CLNS1A: variants seen among roughly 807,000 people sequenced by gnomAD.
The protein encoded by CLNS1A is chloride nucleotide-sensitive channel 1A.
In CLNS1A, 16 loss-of-function variants were observed where a neutral mutation model predicts 29.4. The observed-to-expected ratio is 0.54, with a 90% CI of 0.37 to 0.83. The LOEUF (loss-of-function observed/expected upper bound fraction) is 0.83. Among genes scored for constraint, CLNS1A ranks in the 40% least tolerant of loss-of-function variants. The pLI is 0.00. For missense variants in CLNS1A, 235 were observed against 287.4 expected (o/e 0.82, Z 1.32); for synonymous variants, 96 against 104.8 (o/e 0.92, Z 0.51).
chr11:77,620,510 T>C (rs1023187510), intron 5 of CLNS1A, among the ~76,000 whole-genome samples: 3 of 152,062 alleles, frequency 2.0e-5, no homozygotes, highest in African/African-American at 4.8e-5. Flanking sequence ...ACGGAAAGAG[T>C]TGTCTTGGCC....
intron 5 of CLNS1A, among the ~76,000 whole-genome samples, chr11:77,620,408 C>T (rs1419679595): frequency 6.6e-6 from 1 of 152,192 alleles, no homozygotes; most frequent in East Asian, 1.9e-4. Context: ...CCATATGGAA[C>T]TGTAAGTCCA....
rs758198126 is a variant in CLNS1A, at chr11:77,622,550, T to C, written c.596A>G (p.Gln199Arg). Residue 199 changes from glutamine to arginine, a missense_variant, in exon 5 of 7, where the codon CAG (glutamine) becomes CGG (arginine). Coordinates refer to ENST00000525428, the MANE Select transcript of CLNS1A (RefSeq NM_001293.3). ...TGTCCTGACCCCAGCCATATTATAC[T>C]GGCTGCTCACAGACTGAGAAAGCAT... ...EGMLSQSVSS[Q>R]YNMAGVRTED... The C allele has an allele frequency of 2.5e-6, 4 of 1,612,416 alleles. No individual in the cohort carries two copies. Among genetic ancestry groups the C allele is most frequent in the Admixed American group, 1.7e-5 (1 of 59,480 alleles).
chr11:77,616,030 T>G lies in CLNS1A; in HGVS notation c.*688A>C, dbSNP rs1958903059. On this transcript the variant is annotated 3_prime_UTR_variant, in exon 7 of 7. Transcript: ENST00000525428. Reference sequence around the variant, plus strand: ...AGCTATAACTATATTTTCTTATTAATTTCATGTTCATCTTCTCAACAAGTA... The same window carrying G: ...AGCTATAACTATATTTTCTTATTAAGTTCATGTTCATCTTCTCAACAAGTA... The G allele has an allele frequency of 6.6e-6, 1 of 152,224 alleles. No homozygotes were observed. Among genetic ancestry groups the G allele is most frequent in the Non-Finnish European group, 1.5e-5 (1 of 68,038 alleles). 9.4% of individuals were successfully genotyped at this position (152,224 alleles called of 1,614,324 possible). A position where few individuals can be genotyped will look rare whatever the true frequency, so the allele number is the denominator to read the frequency against.
intron 1 of CLNS1A, among the ~76,000 whole-genome samples, chr11:77,633,187 C>T (rs752710774): frequency 1.3e-5 from 2 of 151,502 alleles, no homozygotes; most frequent in Non-Finnish European, 2.9e-5. Context: ...TCCTATTGCA[C>T]ATGAATTATT....
At chr11:77,629,454 C>T (rs1032996426) in intron 2 of CLNS1A, among the ~76,000 whole-genome samples, 2 of 151,176 alleles carry the variant, frequency 1.3e-5, no homozygotes, top group African/African-American at 2.4e-5. Context: ...AGTGCAGTGG[C>T]ATGATCTCGG....
At chr11:77,623,869 T>C (rs1958988473) in intron 4 of CLNS1A, among the ~76,000 whole-genome samples, 2 of 152,214 alleles carry the variant, frequency 1.3e-5, no homozygotes, top group Admixed American at 1.3e-4. Context: ...GACTGCATTC[T>C]GGTCTGGGGG....
intron 2 of CLNS1A, among the ~76,000 whole-genome samples, chr11:77,629,470 T>C (rs1959052822): frequency 6.6e-6 from 1 of 151,818 alleles, no homozygotes; most frequent in Non-Finnish European, 1.5e-5. Context: ...CTCGGCTCAC[T>C]ACAAGCTCCA....
intron 5 of CLNS1A, among the ~76,000 whole-genome samples, chr11:77,622,296 A>G (rs544828407): frequency 4.6e-5 from 7 of 152,274 alleles, no homozygotes; most frequent in African/African-American, 1.7e-4. Flanking sequence ...TTTGACTATG[A>G]ACAAAGACTT....
chr11:77,621,946 G>C (rs1958962544), intron 5 of CLNS1A: 1 of 456,076 alleles, frequency 2.2e-6, no homozygotes, highest in Non-Finnish European at 4.4e-6. Flanking sequence ...TGGGTCTCCA[G>C]TCTGCCGGCT....
intron 4 of CLNS1A, among the ~76,000 whole-genome samples, chr11:77,624,070 T>C (rs1346495852): frequency 6.6e-6 from 1 of 152,154 alleles, no homozygotes; most frequent in Non-Finnish European, 1.5e-5. Context: ...GGAGACCAGC[T>C]TGGGCAATAT....
intron 6 of CLNS1A, among the ~76,000 whole-genome samples, chr11:77,617,258 CTCGGG>C (rs1958912953): frequency 6.6e-6 from 1 of 150,606 alleles, no homozygotes. Context: ...ATCCCAGCTA[CTCGGG>C]AGGATGAGGC....
chr11:77,632,631 T>A (rs79345787), intron 1 of CLNS1A, among the ~76,000 whole-genome samples: 17 of 150,038 alleles, frequency 1.1e-4, no homozygotes, highest in African/African-American at 2.7e-4. Flanking sequence ...CTTTTTTTTT[T>A]AAATAAAAAA....
At chr11:77,630,688 T>A (rs59459776) in intron 1 of CLNS1A, among the ~76,000 whole-genome samples, 1 of 152,068 alleles carries the variant, frequency 6.6e-6, no homozygotes, top group Admixed American at 6.5e-5. Flanking sequence ...AAATCAGTAT[T>A]TTGAGCTTTC....
chr11:77,625,190 G>T, intron 3 of CLNS1A, 120 bp from the exon 4 acceptor site: 1 of 661,056 alleles, frequency 1.5e-6, no homozygotes. Context: ...CAAATTGTAA[G>T]ATCAATCTTG....
In CLNS1A at chr11:77,622,449, C is replaced by G. The variant is rs1296120314; in HGVS notation, c.646+51G>C. On this transcript the variant is annotated intron_variant, in intron 5 of 6. Coordinates refer to ENST00000525428, the MANE Select transcript of CLNS1A (RefSeq NM_001293.3). The stretch of plus-strand genomic sequence containing the variant: ...AAGAACTTCTATTGACTATCCATAA[C>G]TTATTGCCCAAGTGCTCATCTGACT... The G allele has an allele frequency of 1.1e-5, 16 of 1,393,726 alleles. No homozygotes were observed. In the Admixed American group the frequency reaches 3.6e-4, roughly 32 times the overall value. The allele number at this position is 1,393,726 out of a possible 1,614,324, so 86.3% of individuals were successfully genotyped here. A position where few individuals can be genotyped will look rare whatever the true frequency, so the allele number is the denominator to read the frequency against.
At chr11:77,634,553 G>A (rs1414090183) in intron 1 of CLNS1A, among the ~76,000 whole-genome samples, 5 of 151,782 alleles carry the variant, frequency 3.3e-5, no homozygotes, top group Non-Finnish European at 2.9e-5. Flanking sequence ...GTGAAACCCC[G>A]TCTCTACTAA....
intron 1 of CLNS1A, among the ~76,000 whole-genome samples, chr11:77,630,846 G>A (rs139740621): frequency 8.9e-4 from 135 of 152,282 alleles, no homozygotes; most frequent in African/African-American, 3.0e-3. Context: ...AATAGGGAAT[G>A]TCTGCTACTG....
intron 5 of CLNS1A, among the ~76,000 whole-genome samples, chr11:77,619,975 C>T (rs370070536): frequency 6.6e-6 from 1 of 152,102 alleles, no homozygotes; most frequent in African/African-American, 2.4e-5. Context: ...AATTGTTCAC[C>T]CTTTACAGAT....
At position 77,637,586 on chromosome 11, in the gene CLNS1A, C is replaced by A. The variant is rs1454679547; in HGVS notation, c.125+4G>T. The A allele has an allele frequency of 6.2e-7, 1 of 1,601,564 alleles. No individual in the cohort carries two copies. ...AGGCCAGCGCTGGGGACCAGGAACC[C>A]TACCTCTCAGCGATGTAAAGGGTAC... On this transcript the variant is annotated splice_donor_region_variant and intron_variant, in intron 1 of 6. Coordinates refer to ENST00000525428, the MANE Select transcript of CLNS1A (RefSeq NM_001293.3).
Sources: allele counts gnomAD v4.1 joint callset (sites outside exome capture counted in the v4.1 genomes callset), GRCh38; gene constraint gnomAD v4.1.1; transcripts MANE v1.5; gene names NCBI Gene and HGNC (gene_info 2026-07-23, HGNC 2026-07-21).